The following PIK3R3 variants were observed in gnomAD, a reference collection of about 807,000 sequenced individuals.
PIK3R3 encodes phosphatidylinositol 3-kinase regulatory subunit gamma.
Under a neutral mutation model 62.9 loss-of-function variants are expected in PIK3R3, and 64 were observed. The ratio of observed to expected loss-of-function variants is 1.02; its 90% CI spans 0.83 to 1.25. The LOEUF (loss-of-function observed/expected upper bound fraction) is 1.25. Among genes scored for constraint, PIK3R3 ranks in the 50% most tolerant of loss-of-function variants. PIK3R3 has a pLI of 0.00. For missense variants in PIK3R3, 614 were observed against 561.6 expected (o/e 1.09, Z -0.94); for synonymous variants, 165 against 189.0 (o/e 0.87, Z 1.04).
chr1:46,157,076 G>A, the PIK3R3 span, among the ~76,000 whole-genome samples: 34 of 152,298 alleles, frequency 2.2e-4, no homozygotes, highest in African/African-American at 6.3e-4. Flanking sequence ...TCCTCCTGAC[G>A]TTGCTGCTAT....
At chr1:46,055,741 T>C (rs1647826128) in intron 7 of PIK3R3, 54 bp downstream of exon 7, 1 of 1,128,912 alleles carries the variant, frequency 8.9e-7, no homozygotes, top group African/African-American at 1.6e-5. Context: ...TCTCTAGTGC[T>C]GGTAGTAACC....
At chr1:46,144,877 T>C in the PIK3R3 span, among the ~76,000 whole-genome samples, 7 of 151,574 alleles carry the variant, frequency 4.6e-5, no homozygotes, top group South Asian at 1.5e-3. Context: ...GTAATCCCAG[T>C]ACTTTGGAAG....
intron 1 of PIK3R3, among the ~76,000 whole-genome samples, chr1:46,098,741 C>A (rs1159781814): frequency 2.6e-5 from 4 of 152,112 alleles, no homozygotes; most frequent in African/African-American, 7.2e-5. Flanking sequence ...TCTTACTTAT[C>A]CACCCAGGCT....
intron 2 of PIK3R3, 133 bp from the exon 3 acceptor site, chr1:46,077,746 G>A (rs1197330276): frequency 1.7e-6 from 1 of 603,498 alleles, no homozygotes; most frequent in Non-Finnish European, 3.0e-6. Context: ...GAATAACGGA[G>A]CCATTTAGAG....
chr1:46,121,495 A>C (rs1309789539), intron 1 of PIK3R3, among the ~76,000 whole-genome samples: 1 of 152,126 alleles, frequency 6.6e-6, no homozygotes, highest in African/African-American at 2.4e-5. Context: ...ATTTTTCTTA[A>C]GTTTATAAAT....
At chr1:46,077,460 C>G (rs886457454) in intron 3 of PIK3R3, 55 bp downstream of exon 3, 1 of 858,448 alleles carries the variant, frequency 1.2e-6, no homozygotes, top group Non-Finnish European at 2.0e-6. Flanking sequence ...ATCTGTATAC[C>G]CAGAACTAAA....
At chr1:46,102,758 A>C (rs1652817109) in intron 1 of PIK3R3, among the ~76,000 whole-genome samples, 1 of 149,514 alleles carries the variant, frequency 6.7e-6, no homozygotes, top group Admixed American at 6.8e-5. Context: ...AAATTTTTAA[A>C]ATACCATATG....
intron 1 of PIK3R3, among the ~76,000 whole-genome samples, chr1:46,100,001 T>G (rs1053301909): frequency 1.3e-5 from 2 of 152,248 alleles, no homozygotes; most frequent in African/African-American, 4.8e-5. Flanking sequence ...TCCAATCTAC[T>G]GTCTTATTAT....
chr1:46,165,031 A>C, the PIK3R3 span, among the ~76,000 whole-genome samples: 1 of 151,998 alleles, frequency 6.6e-6, no homozygotes, highest in Non-Finnish European at 1.5e-5. Flanking sequence ...ATAGGATCTC[A>C]CTATGTTGCC....
At chr1:46,116,428 G>A (rs1407486081) in intron 1 of PIK3R3, among the ~76,000 whole-genome samples, 1 of 152,106 alleles carries the variant, frequency 6.6e-6, no homozygotes. Context: ...TGAGGGAGGA[G>A]GATCCCTTGA....
At chr1:46,140,380 G>A in the PIK3R3 span, among the ~76,000 whole-genome samples, 1 of 152,036 alleles carries the variant, frequency 6.6e-6, no homozygotes, top group Admixed American at 6.5e-5. Flanking sequence ...AGACATTGGG[G>A]AAAAATTACC....
chr1:46,113,797 G>A (rs1363527821), intron 1 of PIK3R3, among the ~76,000 whole-genome samples: 2 of 152,164 alleles, frequency 1.3e-5, no homozygotes, highest in African/African-American at 4.8e-5. Context: ...GCTAGGTATT[G>A]AAGATCCAGC....
In PIK3R3 at chr1:46,042,509, A is replaced by G. The variant is rs1647014698; in HGVS notation, c.*1164T>C. 1 of 218,438 alleles carries G rather than the reference A, an allele frequency of 4.6e-6. No individual in the cohort carries two copies. The highest frequency in any genetic ancestry group is 2.2e-5 in the African/African-American group (1 of 44,542). 13.5% of individuals were successfully genotyped at this position (218,438 alleles called of 1,614,324 possible). A position where few individuals can be genotyped will look rare whatever the true frequency, so the allele number is the denominator to read the frequency against. On this transcript the variant is annotated 3_prime_UTR_variant, in exon 10 of 10. Coordinates refer to ENST00000262741, the MANE Select transcript of PIK3R3 (RefSeq NM_003629.4). This position sits in a 1 kb window ranked among gnomAD's most constrained non-coding sequence, Gnocchi z 4.3. The stretch of plus-strand genomic sequence containing the variant: ...GGTCTGTGATTTACTGAGGCACCTG[A>G]CCACAATCTGACTCCCCTCCTTAGC...
intron 7 of PIK3R3, among the ~76,000 whole-genome samples, chr1:46,053,802 T>C (rs945192986): frequency 1.1e-4 from 17 of 152,194 alleles, no homozygotes; most frequent in African/African-American, 3.4e-4. Context: ...ATTCCTTGTA[T>C]TTCTTATTGC....
At chr1:46,154,518 A>G in the PIK3R3 span, among the ~76,000 whole-genome samples, 1 of 152,182 alleles carries the variant, frequency 6.6e-6, no homozygotes, top group Non-Finnish European at 1.5e-5. Context: ...GCAGTGAGCC[A>G]TAGTCATGCC....
At position 46,042,139 on chromosome 1, in the gene PIK3R3, C is replaced by CT. The variant is rs1365417536; in HGVS notation, c.*1533dup. 1.4e-5 allele frequency: 3 copies of CT among 220,360 alleles called. No individual in the cohort carries two copies. The highest frequency in any genetic ancestry group is 6.6e-5 in the East Asian group (1 of 15,124). The allele number at this position is 220,360 out of a possible 1,614,324, so 13.7% of individuals were successfully genotyped here. The stretch of plus-strand genomic sequence containing the variant: ...GGATTGGCTCAGAGGCAGCTGGACT[C>CT]TATTTGTCAAATGAGTGTTGACTGA... On this transcript the variant is annotated 3_prime_UTR_variant, in exon 10 of 10. Transcript: ENST00000262741. This position sits in a 1 kb window ranked among gnomAD's most constrained non-coding sequence, Gnocchi z 4.3.
chr1:46,104,223 T>G (rs1414860601), intron 1 of PIK3R3, among the ~76,000 whole-genome samples: 1 of 152,180 alleles, frequency 6.6e-6, no homozygotes, highest in East Asian at 1.9e-4. Context: ...CCACCACGCC[T>G]GGACATGAAG....
intron 6 of PIK3R3, chr1:46,056,864 A>AC (rs1471381745): frequency 1.3e-5 from 2 of 152,240 alleles, no homozygotes; most frequent in Non-Finnish European, 2.9e-5. Flanking sequence ...GTAGCATAAC[A>AC]CAACAGTTAA....
At chr1:46,167,413 A>G in the PIK3R3 span, among the ~76,000 whole-genome samples, 1 of 152,120 alleles carries the variant, frequency 6.6e-6, no homozygotes. Context: ...ACCTGGGTGG[A>G]GGCGCAGCTA....
Sources: gnomAD v4.1 joint callset for allele counts (sites outside exome capture counted in the v4.1 genomes callset) on GRCh38, gnomAD v4.1.1 for gene constraint, Gnocchi (gnomAD v3.1) non-coding constraint, MANE v1.5 for transcripts, NCBI Gene and HGNC (gene_info 2026-07-23, HGNC 2026-07-21) for gene names.